ZNF880: variants seen among roughly 807,000 people sequenced by gnomAD.
ZNF880 encodes the protein zinc finger protein LOC400713.
Under a neutral mutation model 11.8 loss-of-function variants are expected in ZNF880, and 12 were observed. The observed-to-expected ratio is 1.02, with a 90% confidence interval of 0.65 to 1.65. ZNF880 has a LOEUF of 1.65. Ranked by LOEUF, ZNF880 falls within the 40% of genes most tolerant of loss-of-function variation. ZNF880 has a pLI of 0.00. For synonymous variants in ZNF880, 210 were observed against 232.4 expected (o/e 0.90, Z 0.88); for missense variants, 601 against 673.9 (o/e 0.89, Z 1.20).
chr19:52,377,341 T>C (rs559690140), intron 3 of ZNF880, among the ~76,000 whole-genome samples: 1 of 152,200 alleles, frequency 6.6e-6, no homozygotes, highest in African/African-American at 2.4e-5. Flanking sequence ...ATCCAGTGTT[T>C]TTTCTACTCT....
At chr19:52,371,407 G>A (rs529295350) in intron 1 of ZNF880, among the ~76,000 whole-genome samples, 4 of 150,538 alleles carry the variant, frequency 2.7e-5, no homozygotes, top group African/African-American at 4.9e-5. Context: ...CTGGAGTCTC[G>A]CTTTGTCACC....
Position 52,384,438 on chromosome 19 carries a change from T to C in ZNF880, c.858T>C (p.His286=). 1 of 1,614,128 alleles carries C rather than the reference T, an allele frequency of 6.2e-7. No individual in the cohort carries two copies. The highest frequency in any genetic ancestry group is 8.5e-7 in the Non-Finnish European group (1 of 1,179,990). The change falls in exon 4 of 4, where the codon CAT becomes CAC. Residue 286 remains histidine (H), a synonymous_variant. Transcript: ENST00000422689. ...VFTQNSHLAN[H]HRIHTGEKPY... is the part of the protein sequence containing the mutation. The stretch of plus-strand genomic sequence containing the variant: ...CTCAAAATTCTCACCTTGCAAATCA[T>C]CACAGAATCCACACTGGAGAGAAAC...
intron 3 of ZNF880, among the ~76,000 whole-genome samples, chr19:52,375,341 C>A (rs1459692589): frequency 6.6e-6 from 1 of 151,468 alleles, no homozygotes; most frequent in Admixed American, 6.6e-5. Context: ...CGTGCACCAC[C>A]AAGCCTGGCT....
downstream of ZNF880, among the ~76,000 whole-genome samples, chr19:52,386,133 C>A (rs1276279214): frequency 3.1e-5 from 4 of 129,572 alleles, no homozygotes; most frequent in Non-Finnish European, 1.6e-5. Context: ...TATCACGCCA[C>A]TGCACTCCAG....
At chr19:52,374,152 G>A (rs1986481922) in intron 2 of ZNF880, 147 bp from the exon 3 acceptor site, 1 of 560,752 alleles carries the variant, frequency 1.8e-6, no homozygotes, top group Non-Finnish European at 3.0e-6. Context: ...TGCAAGCTTC[G>A]CCTCCCAGGT....
At position 52,381,503 on chromosome 19, in the gene ZNF880, G is replaced by A. The variant is rs74861066; in HGVS notation, c.269-2346G>A. Among the ~76,000 whole-genome samples, 651 of 152,228 alleles carry A rather than the reference G, an allele frequency of 4.3e-3. 9 individuals carry two copies. The East Asian group carries it at 0.065, about 15-fold the overall frequency. On this transcript the variant is annotated intron_variant, in intron 3 of 3. Transcript: ENST00000422689. ...GAATTAAAGGGAGTTTCTTGCAGAT[G>A]GGATTTAGTAAATCTTGTTTTCTTC...
In ZNF880 at chr19:52,384,331, C is replaced by T. The variant is rs201241467; in HGVS notation, c.751C>T (p.Arg251Ter). The T allele has an allele frequency of 8.7e-6, 13 of 1,487,822 alleles. No homozygotes were observed. The highest frequency in any genetic ancestry group is 3.4e-5 in the South Asian group (3 of 87,136). The allele number at this position is 1,487,822 out of a possible 1,614,324, so 92.2% of individuals were successfully genotyped here. A position where few individuals can be genotyped will look rare whatever the true frequency, so the allele number is the denominator to read the frequency against. The change falls in exon 4 of 4, where the codon CGA becomes TGA. Residue 251 changes from arginine to a stop codon, truncating the protein, a stop_gained. Transcript: ENST00000422689. LOFTEE classifies it low-confidence loss of function (END_TRUNC). ...KCHECGKLFN[R>*]ISLLARHQRI... ...TCATGAATGTGGCAAGCTCTTCAAT[C>T]GAATTTCACTCCTTGCACGACATCA...
chr19:52,383,788 G>A lies in ZNF880; in HGVS notation c.269-61G>A, dbSNP rs569676460. On this transcript the variant is annotated intron_variant, in intron 3 of 3. Coordinates refer to ENST00000422689, the MANE Select transcript of ZNF880 (RefSeq NM_001145434.2). ...AGGTGAGGCAGAATCTAGTCTCTCTGTCAGACACTGAACATGCCATTGTCA... is the reference window on the plus strand; with the variant it reads ...AGGTGAGGCAGAATCTAGTCTCTCTATCAGACACTGAACATGCCATTGTCA... The A allele has an allele frequency of 2.8e-4, 413 of 1,458,640 alleles. 4 individuals carry two copies. The African/African-American group carries it at 5.3e-3, about 19-fold the overall frequency. The allele number at this position is 1,458,640 out of a possible 1,614,324, so 90.4% of individuals were successfully genotyped here.
At chr19:52,380,648 T>A (rs972507527) in intron 3 of ZNF880, among the ~76,000 whole-genome samples, 1 of 152,218 alleles carries the variant, frequency 6.6e-6, no homozygotes, top group Admixed American at 6.5e-5. Context: ...ATCATTGTCT[T>A]GTAGTGCGTT....
chr19:52,369,321 C>T (rs1315613051), upstream of ZNF880, among the ~76,000 whole-genome samples: 1 of 144,320 alleles, frequency 6.9e-6, no homozygotes, highest in African/African-American at 2.5e-5. Context: ...GAGATCGCGC[C>T]ACTTCACTCC....
chr19:52,383,309 A>T (rs1389589556), intron 3 of ZNF880, among the ~76,000 whole-genome samples: 2 of 152,140 alleles, frequency 1.3e-5, no homozygotes, highest in East Asian at 3.9e-4. Flanking sequence ...GTGGAGATTG[A>T]TTGATTGATC....
chr19:52,372,683 C>T (rs62108315), intron 1 of ZNF880, among the ~76,000 whole-genome samples: 25,970 of 148,776 alleles, frequency 0.17, 2,743 homozygotes, highest in Non-Finnish European at 0.24. Flanking sequence ...GGGCGGATCA[C>T]GAAGTCAGGA....
In ZNF880 at chr19:52,370,914, G is replaced by C. The variant is rs777939874; in HGVS notation, c.12+937G>C. ...TGAATAAGCCACTGCACTGCAACCT[G>C]GACACATTAAAAAACGAACAAAGAC... On this transcript the variant is annotated intron_variant, in intron 1 of 3. Transcript: ENST00000422689. Among the ~76,000 whole-genome samples, 40 of 152,166 alleles carry C rather than the reference G, an allele frequency of 2.6e-4. No individual in the cohort carries two copies. In the Middle Eastern group the frequency reaches 0.017, roughly 65 times the overall value.
chr19:52,383,765 G>T (rs1056151495), intron 3 of ZNF880, 84 bp from the exon 4 acceptor site: 1 of 1,370,218 alleles, frequency 7.3e-7, no homozygotes, highest in Non-Finnish European at 9.8e-7. Flanking sequence ...TCTGAGTCAG[G>T]TGAGGCAGAA....
At chr19:52,372,909 CAAA>C (rs201869014) in intron 1 of ZNF880, among the ~76,000 whole-genome samples, 199 bp from the exon 2 acceptor site, 5,059 of 67,954 alleles carry the variant, frequency 0.074, 23 homozygotes, top group African/African-American at 0.1. Flanking sequence ...GACTCCGTCT[CAAA>C]AAAAAAAAAA....
chr19:52,391,756 G>T, the ZNF880 span, among the ~76,000 whole-genome samples: 1 of 152,194 alleles, frequency 6.6e-6, no homozygotes, highest in African/African-American at 2.4e-5. Context: ...TCCATTTGCT[G>T]TCCTTATTCT....
At chr19:52,372,978 A>T in intron 1 of ZNF880, 133 bp from the exon 2 acceptor site, 1 of 723,044 alleles carries the variant, frequency 1.4e-6, no homozygotes, top group Non-Finnish European at 2.3e-6. Context: ...AAACACAATT[A>T]GAAACATATA....
chr19:52,394,349 C>T, the ZNF880 span, among the ~76,000 whole-genome samples: 1 of 152,048 alleles, frequency 6.6e-6, no homozygotes, highest in Non-Finnish European at 1.5e-5. Context: ...CATCCTCCCA[C>T]CTCAGCTTCC....
chr19:52,367,131 C>CTT (rs71335642), upstream of ZNF880: 35 of 174,600 alleles, frequency 2.0e-4, no homozygotes, highest in Non-Finnish European at 3.3e-4. Flanking sequence ...TTAGTTTTTT[C>CTT]TTTTTTTTTT....
Sources: gnomAD v4.1 joint callset for allele counts (sites outside exome capture counted in the v4.1 genomes callset) on GRCh38, gnomAD v4.1.1 for gene constraint, MANE v1.5 for transcripts, NCBI Gene and HGNC (gene_info 2026-07-23, HGNC 2026-07-21) for gene names.